Variants in SYN3 observed in about 807,000 individuals in gnomAD.
The protein encoded by SYN3 is synapsin-3.
In SYN3, 35 loss-of-function variants were observed where a neutral mutation model predicts 65.8. That is an observed-to-expected ratio of 0.53 (90% CI 0.41 to 0.70). The LOEUF is 0.70. Among genes scored for constraint, SYN3 ranks in the 30% least tolerant of loss-of-function variants. The pLI is 0.00. For synonymous variants in SYN3, 270 were observed against 292.9 expected (o/e 0.92, Z 0.80); for missense variants, 680 against 749.0 (o/e 0.91, Z 1.08).
At chr22:32,711,356 A>T (rs2060962907) in intron 6 of SYN3, among the ~76,000 whole-genome samples, 1 of 152,236 alleles carries the variant, frequency 6.6e-6, no homozygotes, top group Non-Finnish European at 1.5e-5. Context: ...TGGGAACAAG[A>T]AAATAATTCA....
rs183258136 is a variant in SYN3 at position 32,948,532 on chromosome 22, C to G, written c.370-17051G>C. On this transcript the variant is annotated intron_variant, in intron 3 of 13. Coordinates refer to ENST00000358763, the MANE Select transcript of SYN3 (RefSeq NM_003490.4). Reference sequence around the variant, plus strand: ...CGGGCAGATCACAAGGTCAGGAGATCGAGACCATACTGGCTAACATGGTGA... The same window carrying G: ...CGGGCAGATCACAAGGTCAGGAGATGGAGACCATACTGGCTAACATGGTGA... Among the ~76,000 whole-genome samples the G allele has an allele frequency of 6.7e-4, 102 of 152,092 alleles. 2 individuals carry two copies. Among genetic ancestry groups the G allele is most frequent in the Admixed American group, 2.6e-4 (4 of 15,296 alleles).
intron 1 of SYN3, among the ~76,000 whole-genome samples, chr22:33,030,812 G>A (rs1478266739): frequency 6.6e-6 from 1 of 151,834 alleles, no homozygotes; most frequent in African/African-American, 2.4e-5. Context: ...CAGAGAGAGA[G>A]AAACAGATAC....
intron 7 of SYN3, among the ~76,000 whole-genome samples, chr22:32,553,671 G>A (rs931553445): frequency 2.6e-5 from 4 of 152,150 alleles, no homozygotes; most frequent in African/African-American, 4.8e-5. Context: ...TTGAAATGGT[G>A]GTTTCTTTGG....
rs143302647 is a variant in SYN3, at chr22:32,509,267, T to C, written c.*4425A>G. ...TGTGAACAAATCAAATAGGTCTTTG[T>C]TGTGTTTCAGCTTCCCCGAGTCAGC... On this transcript the variant is annotated 3_prime_UTR_variant, in exon 14 of 14. Transcript: ENST00000358763. 6.6e-6 allele frequency among the ~76,000 whole-genome samples: 1 copy of C among 152,308 alleles called. No individual in the cohort carries two copies. Among genetic ancestry groups the C allele is most frequent in the East Asian group, 1.9e-4 (1 of 5,186 alleles).
chr22:32,646,566 G>A (rs1347712898), intron 6 of SYN3, among the ~76,000 whole-genome samples: 2 of 152,136 alleles, frequency 1.3e-5, no homozygotes, highest in African/African-American at 2.4e-5. Context: ...GGGTAATAGA[G>A]GGATAAAGAA....
chr22:32,923,284 T>G (rs1220851655), intron 4 of SYN3, among the ~76,000 whole-genome samples: 6 of 152,174 alleles, frequency 3.9e-5, no homozygotes, highest in Non-Finnish European at 8.8e-5. Flanking sequence ...ATTTAGCTCT[T>G]CCTCTGTCTT....
chr22:32,532,146 T>G (rs1341377014), intron 10 of SYN3, among the ~76,000 whole-genome samples: 1 of 152,296 alleles, frequency 6.6e-6, no homozygotes, highest in African/African-American at 2.4e-5. Context: ...CTCTTGTGTT[T>G]GCAGTTGTAC....
intron 2 of SYN3, among the ~76,000 whole-genome samples, chr22:32,999,365 A>C (rs1173282369): frequency 1.3e-5 from 2 of 152,180 alleles, no homozygotes; most frequent in Admixed American, 1.3e-4. Flanking sequence ...TTTGAGAACT[A>C]CAAGTGGCTT....
At chr22:32,900,687 C>T (rs1047555895) in intron 4 of SYN3, among the ~76,000 whole-genome samples, 4 of 152,188 alleles carry the variant, frequency 2.6e-5, no homozygotes, top group Non-Finnish European at 4.4e-5. Context: ...TCCCCAGTTT[C>T]CCAATGGAAT....
At chr22:32,857,984 A>G (rs756483562) in intron 6 of SYN3, 2 of 1,613,994 alleles carry the variant, frequency 1.2e-6, no homozygotes, top group East Asian at 2.2e-5. Flanking sequence ...TGGACAAAAC[A>G]ACCTCTCCTT....
intron 6 of SYN3, among the ~76,000 whole-genome samples, chr22:32,856,585 T>C (rs989921888): frequency 6.6e-6 from 1 of 152,232 alleles, no homozygotes; most frequent in Non-Finnish European, 1.5e-5. Flanking sequence ...TATTTTGATA[T>C]ATTCAAAAAT....
intron 3 of SYN3, among the ~76,000 whole-genome samples, chr22:32,966,943 C>T (rs2051864016): frequency 6.6e-6 from 1 of 152,012 alleles, no homozygotes; most frequent in African/African-American, 2.4e-5. Flanking sequence ...ATAAAAAGAA[C>T]CATAAACACA....
intron 3 of SYN3, among the ~76,000 whole-genome samples, chr22:32,946,459 G>A (rs893933153): frequency 4.6e-5 from 7 of 150,598 alleles, no homozygotes; most frequent in Admixed American, 2.0e-4. Context: ...ACCAAACACC[G>A]CATGTTCTCA....
chr22:32,824,661 A>C (rs1241114690), intron 6 of SYN3, among the ~76,000 whole-genome samples: 1 of 152,186 alleles, frequency 6.6e-6, no homozygotes, highest in East Asian at 1.9e-4. Flanking sequence ...AATAAAAGGA[A>C]GTTACTTGTA....
chr22:33,056,519 C>T (rs2054256483), intron 1 of SYN3, among the ~76,000 whole-genome samples: 1 of 152,214 alleles, frequency 6.6e-6, no homozygotes, highest in South Asian at 2.1e-4. Context: ...CCTGCACCCA[C>T]TGGCTGATCA....
chr22:32,542,630 A>ATGTG (rs3838157), intron 7 of SYN3, among the ~76,000 whole-genome samples: 153 of 135,422 alleles, frequency 1.1e-3, no homozygotes, highest in African/African-American at 4.0e-3. Flanking sequence ...GTTTGTGTGT[A>ATGTG]TGTGTGTGTG....
chr22:32,952,365 C>T (rs946712459), intron 3 of SYN3, among the ~76,000 whole-genome samples: 1 of 151,684 alleles, frequency 6.6e-6, no homozygotes, highest in Non-Finnish European at 1.5e-5. Context: ...CAAATAAATA[C>T]AAAAACACAG....
chr22:32,588,225 G>T (rs1335582080), intron 7 of SYN3, among the ~76,000 whole-genome samples: 1 of 152,172 alleles, frequency 6.6e-6, no homozygotes, highest in Non-Finnish European at 1.5e-5. Context: ...TGTTACTGGA[G>T]ATGCTCCCTT....
At chr22:32,536,307 G>A (rs2058164375) in intron 9 of SYN3, among the ~76,000 whole-genome samples, 1 of 152,214 alleles carries the variant, frequency 6.6e-6, no homozygotes, top group Admixed American at 6.5e-5. Context: ...TTCCCAGGTT[G>A]AAGGTGGCAG....
Sources: allele counts gnomAD v4.1 joint callset (sites outside exome capture counted in the v4.1 genomes callset), GRCh38; gene constraint gnomAD v4.1.1; transcripts MANE v1.5; gene names NCBI Gene and HGNC (gene_info 2026-07-23, HGNC 2026-07-21).